PNMA8B: variants seen among roughly 807,000 people sequenced by gnomAD.
PNMA8B encodes paraneoplastic antigen-like protein 8B.
For missense variants in PNMA8B, 887 were observed against 885.8 expected, an observed-to-expected ratio of 1.00 and a Z score of -0.02; for synonymous variants, 386 against 394.9, an observed-to-expected ratio of 0.98 and a Z score of 0.27.
At position 46,494,979 on chromosome 19, in the gene PNMA8B, C is replaced by T. The variant is rs4803967; in HGVS notation, c.487G>A (p.Gly163Ser). The change falls in exon 1 of 1, where the codon GGT becomes AGT. Residue 163 changes from glycine (G) to serine (S), a missense_variant. Physicochemically the swap from Gly to Ser is moderately conservative, Grantham distance 56 (BLOSUM62 0). Coordinates refer to ENST00000599531, the MANE Select transcript of PNMA8B (RefSeq NM_020709.3). Reference sequence around the variant, plus strand: ...TTGCGTCTGGTTCTGTTTCTGCGACCCCGACGGCCCCTCCTTGGGTTCCTG... The same window carrying T: ...TTGCGTCTGGTTCTGTTTCTGCGACTCCGACGGCCCCTCCTTGGGTTCCTG... ...AARNPRRGRRGRRNRTRRNRL... is the reference protein window; with the variant it reads ...AARNPRRGRRSRRNRTRRNRL... The T allele has an allele frequency of 0.14, 230,589 of 1,608,648 alleles. 18,127 individuals carry two copies. The highest frequency in any genetic ancestry group is 0.16 in the Non-Finnish European group (191,466 of 1,179,806).
Position 46,495,608 on chromosome 19 carries a change from T to A in PNMA8B, c.-143A>T. 8.8e-7 allele frequency: 1 copy of A among 1,130,246 alleles called. No homozygotes were observed. The allele number at this position is 1,130,246 out of a possible 1,614,324, so 70.0% of individuals were successfully genotyped here. ...TCCGGTGAATGTGGCAAGGCTGGAG[T>A]GGGGCTCGGGGCTCGGGGGCTCTAG... On this transcript the variant is annotated 5_prime_UTR_variant, in exon 1 of 1. Coordinates refer to ENST00000599531, the MANE Select transcript of PNMA8B (RefSeq NM_020709.3).
Position 46,493,924 on chromosome 19 carries a change from C to T in PNMA8B, c.1542G>A (p.Glu514=), listed in dbSNP as rs1970047382. The T allele has an allele frequency of 6.3e-7, 1 of 1,592,100 alleles. No individual in the cohort carries two copies. The highest frequency in any genetic ancestry group is 8.6e-7 in the Non-Finnish European group (1 of 1,169,582). Reference sequence around the variant, plus strand: ...ACGCCTCGCTCTCGGTGTCCTCCGACTCCTCCTCGGACTGTTCGTCCGAAG... The same window carrying T: ...ACGCCTCGCTCTCGGTGTCCTCCGATTCCTCCTCGGACTGTTCGTCCGAAG... ...EEASDEQSEE[E]SEDTESEASE... The change falls in exon 1 of 1, where the codon GAG becomes GAA. Residue 514 remains glutamate (E), a synonymous_variant. Transcript: ENST00000599531. This position sits in a 1 kb window ranked among gnomAD's most constrained non-coding sequence, Gnocchi z 5.3.
At position 46,493,327 on chromosome 19, in the gene PNMA8B, C is replaced by A; in HGVS notation, c.*231G>T. Reference sequence around the variant, plus strand: ...CCTGCGCTGCTGCCTCGGGCGCCCACTTCTCTTTCCTCCTCCCATCCGGGC... The same window carrying A: ...CCTGCGCTGCTGCCTCGGGCGCCCAATTCTCTTTCCTCCTCCCATCCGGGC... On this transcript the variant is annotated 3_prime_UTR_variant, in exon 1 of 1. Coordinates refer to ENST00000599531, the MANE Select transcript of PNMA8B (RefSeq NM_020709.3). The surrounding 1 kb of genome is among the most constrained non-coding windows in gnomAD (Gnocchi z 5.3). The A allele has an allele frequency of 2.5e-6, 1 of 394,866 alleles. No homozygotes were observed. Among genetic ancestry groups the A allele is most frequent in the Non-Finnish European group, 4.5e-6 (1 of 224,622 alleles). The allele number at this position is 394,866 out of a possible 1,614,324, so 24.5% of individuals were successfully genotyped here.
rs1969998019 is a variant in PNMA8B, at chr19:46,491,259, G to C, written c.*2299C>G. 1 of 152,228 alleles carries C rather than the reference G, an allele frequency of 6.6e-6. No homozygotes were observed. Among genetic ancestry groups the C allele is most frequent in the South Asian group, 2.1e-4 (1 of 4,836 alleles). 9.4% of individuals were successfully genotyped at this position (152,228 alleles called of 1,614,324 possible). A position where few individuals can be genotyped will look rare whatever the true frequency, so the allele number is the denominator to read the frequency against. On this transcript the variant is annotated 3_prime_UTR_variant, in exon 1 of 1. Transcript: ENST00000599531. ...CCAATTTACCCCGTGTGATTACCTA[G>C]TTGAACAAAGCATGTCTAGACAGTC...
At position 46,493,426 on chromosome 19, in the gene PNMA8B, G is replaced by C; in HGVS notation, c.*132C>G. The C allele has an allele frequency of 1.8e-6, 1 of 568,858 alleles. No individual in the cohort carries two copies. The highest frequency in any genetic ancestry group is 2.6e-6 in the Non-Finnish European group (1 of 382,890). The allele number at this position is 568,858 out of a possible 1,614,324, so 35.2% of individuals were successfully genotyped here. A position where few individuals can be genotyped will look rare whatever the true frequency, so the allele number is the denominator to read the frequency against. ...GGGAACGTGACGCTGGCAAAACGCG[G>C]CCCGGGCGCGCTGTGAAGCGAGGAG... On this transcript the variant is annotated 3_prime_UTR_variant, in exon 1 of 1. Transcript: ENST00000599531. This position sits in a 1 kb window ranked among gnomAD's most constrained non-coding sequence, Gnocchi z 5.3.
rs760914569 is a variant in PNMA8B, at chr19:46,493,714, C to G, written c.1752G>C (p.Gln584His). 17 of 1,512,930 alleles carry G rather than the reference C, an allele frequency of 1.1e-5. No individual in the cohort carries two copies. Among genetic ancestry groups the G allele is most frequent in the South Asian group, 3.7e-5 (3 of 80,480 alleles). The allele number at this position is 1,512,930 out of a possible 1,614,324, so 93.7% of individuals were successfully genotyped here. Residue 584 changes from glutamine (Q) to histidine (H), a missense_variant, in exon 1 of 1, where the codon CAG (glutamine) becomes CAC (histidine). By Grantham distance (24) the Gln-to-His change is conservative. Coordinates refer to ENST00000599531, the MANE Select transcript of PNMA8B (RefSeq NM_020709.3). This position sits in a 1 kb window ranked among gnomAD's most constrained non-coding sequence, Gnocchi z 5.3. ...TCTTCCTGCTTCCTGCGGCGTCGTCCTGGGCCGAGCCCCGGCTCCCGGCTT... is the reference window on the plus strand; with the variant it reads ...TCTTCCTGCTTCCTGCGGCGTCGTCGTGGGCCGAGCCCCGGCTCCCGGCTT... ...EKKAGSRGSA[Q>H]DDAAGSRKKK...
Position 46,493,256 on chromosome 19 carries a change from AC to A in PNMA8B, c.*301del, listed in dbSNP as rs1454821699. 6.8e-6 allele frequency: 2 copies of A among 294,580 alleles called. No homozygotes were observed. Among genetic ancestry groups the A allele is most frequent in the African/African-American group, 4.3e-5 (2 of 46,012 alleles). 18.2% of individuals were successfully genotyped at this position (294,580 alleles called of 1,614,324 possible). ...CACACACACACCCCCTCCGGGGGCA[AC>A]CCGGGCCCCCAATCCTGGTCCACTT... On this transcript the variant is annotated 3_prime_UTR_variant, in exon 1 of 1. Transcript: ENST00000599531. The surrounding 1 kb of genome is among the most constrained non-coding windows in gnomAD (Gnocchi z 5.3).
rs2147484338 is a variant in PNMA8B at position 46,493,536 on chromosome 19, T to G, written c.*22A>C. 2.3e-6 allele frequency: 3 copies of G among 1,326,186 alleles called. No homozygotes were observed. The highest frequency in any genetic ancestry group is 2.9e-6 in the Non-Finnish European group (3 of 1,040,766). The allele number at this position is 1,326,186 out of a possible 1,614,324, so 82.2% of individuals were successfully genotyped here. A position where few individuals can be genotyped will look rare whatever the true frequency, so the allele number is the denominator to read the frequency against. ...TGCCCTGCGGGGCCTGCTCGCAGCC[T>G]GGGCGGCTTCTTGGGGGGCCACTAG... On this transcript the variant is annotated 3_prime_UTR_variant, in exon 1 of 1. Coordinates refer to ENST00000599531, the MANE Select transcript of PNMA8B (RefSeq NM_020709.3). The surrounding 1 kb of genome is among the most constrained non-coding windows in gnomAD (Gnocchi z 5.3).
rs1370140653 is a variant in PNMA8B, at chr19:46,493,317, C to G, written c.*241G>C. 1 of 388,472 alleles carries G rather than the reference C, an allele frequency of 2.6e-6. No individual in the cohort carries two copies. The highest frequency in any genetic ancestry group is 4.5e-6 in the Non-Finnish European group (1 of 220,270). The allele number at this position is 388,472 out of a possible 1,614,324, so 24.1% of individuals were successfully genotyped here. On this transcript the variant is annotated 3_prime_UTR_variant, in exon 1 of 1. Transcript: ENST00000599531. The surrounding 1 kb of genome is among the most constrained non-coding windows in gnomAD (Gnocchi z 5.3). ...CCATCTCGGCCCTGCGCTGCTGCCT[C>G]GGGCGCCCACTTCTCTTTCCTCCTC...
Position 46,493,576 on chromosome 19 carries a change from C to T in PNMA8B, c.1890G>A (p.Leu630=). Reference sequence around the variant, plus strand: ...GGGGCCACTAGCGGCATTTAGGGGGCAGCCTCCGGCCCCGACGGGCCTTCT... The same window carrying T: ...GGGGCCACTAGCGGCATTTAGGGGGTAGCCTCCGGCCCCGACGGGCCTTCT... ...RGKKARRGRR[L]PPKCR is the part of the protein sequence containing the mutation. Residue 630 remains leucine, a synonymous_variant, in exon 1 of 1, where the codon CTG becomes CTA. Transcript: ENST00000599531. This position sits in a 1 kb window ranked among gnomAD's most constrained non-coding sequence, Gnocchi z 5.3. 6.9e-7 allele frequency: 1 copy of T among 1,446,858 alleles called. No individual in the cohort carries two copies. The highest frequency in any genetic ancestry group is 9.0e-7 in the Non-Finnish European group (1 of 1,108,224). 89.6% of individuals were successfully genotyped at this position (1,446,858 alleles called of 1,614,324 possible).
At position 46,495,561 on chromosome 19, in the gene PNMA8B, T is replaced by A; in HGVS notation, c.-96A>T. Reference sequence around the variant, plus strand: ...TGTCAATGCAACCCTAGAAAGCCACTTGCAGGGCTTAGAGTCCCGGTTCCG... The same window carrying A: ...TGTCAATGCAACCCTAGAAAGCCACATGCAGGGCTTAGAGTCCCGGTTCCG... On this transcript the variant is annotated 5_prime_UTR_variant, in exon 1 of 1. The change creates a new upstream start codon in the 5' untranslated region. Coordinates refer to ENST00000599531, the MANE Select transcript of PNMA8B (RefSeq NM_020709.3). 6.9e-7 allele frequency: 1 copy of A among 1,451,574 alleles called. No individual in the cohort carries two copies. Among genetic ancestry groups the A allele is most frequent in the Non-Finnish European group, 9.1e-7 (1 of 1,094,458 alleles). 89.9% of individuals were successfully genotyped at this position (1,451,574 alleles called of 1,614,324 possible).
chr19:46,494,862 G>C lies in PNMA8B; in HGVS notation c.604C>G (p.Leu202Val). Residue 202 changes from leucine to valine, a missense_variant, in exon 1 of 1, where the codon CTG becomes GTG. Coordinates refer to ENST00000599531, the MANE Select transcript of PNMA8B (RefSeq NM_020709.3). ...TCGATCTCCTCGATCACGATGCCCA[G>C]GCTCTCGTCGGAAGAGTCCTCGGCC... ...SEAEDSSDES[L>V]GIVIEEIDQG... 6.2e-7 allele frequency: 1 copy of C among 1,613,058 alleles called. No individual in the cohort carries two copies. Among genetic ancestry groups the C allele is most frequent in the Non-Finnish European group, 8.5e-7 (1 of 1,179,890 alleles).
chr19:46,494,197 G>A lies in PNMA8B; in HGVS notation c.1269C>T (p.Leu423=). The A allele has an allele frequency of 6.2e-7, 1 of 1,609,240 alleles. No individual in the cohort carries two copies. The highest frequency in any genetic ancestry group is 8.5e-7 in the Non-Finnish European group (1 of 1,179,834). Reference sequence around the variant, plus strand: ...GCCCAGCCTTCTTCGCCTGGGGAGGGAGATCCGGCTGCGCCAAGGTGGAAA... The same window carrying A: ...GCCCAGCCTTCTTCGCCTGGGGAGGAAGATCCGGCTGCGCCAAGGTGGAAA... The part of the protein sequence containing the change: ...ECISTLAQPD[L]PPQAKKAGRG... The change falls in exon 1 of 1, where the codon CTC becomes CTT. Residue 423 remains leucine (L), a synonymous_variant. Coordinates refer to ENST00000599531, the MANE Select transcript of PNMA8B (RefSeq NM_020709.3).
rs1202841468 is a variant in PNMA8B at position 46,493,806 on chromosome 19, C to T, written c.1660G>A (p.Ala554Thr). The T allele has an allele frequency of 7.3e-7, 1 of 1,368,594 alleles. No individual in the cohort carries two copies. Among genetic ancestry groups the T allele is most frequent in the South Asian group, 1.8e-5 (1 of 54,324 alleles). The allele number at this position is 1,368,594 out of a possible 1,614,324, so 84.8% of individuals were successfully genotyped here. ...GLTPAGAPPT[A>T]SGARKTRAGG... ...GCGCGGGTTTTGCGGGCCCCGGAAGCGGTGGGAGGCGCGCCGGCCGGAGTC... is the reference window on the plus strand; with the variant it reads ...GCGCGGGTTTTGCGGGCCCCGGAAGTGGTGGGAGGCGCGCCGGCCGGAGTC... Residue 554 changes from alanine (A) to threonine (T), a missense_variant, in exon 1 of 1, where the codon GCT (alanine) becomes ACT (threonine). By Grantham distance (58) the Ala-to-Thr change is moderately conservative. Coordinates refer to ENST00000599531, the MANE Select transcript of PNMA8B (RefSeq NM_020709.3). The surrounding 1 kb of genome is among the most constrained non-coding windows in gnomAD (Gnocchi z 5.3).
rs1203705871 is a variant in PNMA8B, at chr19:46,495,110, G to T, written c.356C>A (p.Ala119Glu). 1 of 1,613,470 alleles carries T rather than the reference G, an allele frequency of 6.2e-7. No homozygotes were observed. The highest frequency in any genetic ancestry group is 1.1e-5 in the South Asian group (1 of 91,074). Residue 119 changes from alanine to glutamate, a missense_variant, in exon 1 of 1, where the codon GCG (alanine) becomes GAG (glutamate). Ala to Glu is a moderately radical substitution (Grantham distance 107). Coordinates refer to ENST00000599531, the MANE Select transcript of PNMA8B (RefSeq NM_020709.3). ...LLLDDGPTQA[A>E]EAGTPGEAPT... is the part of the protein sequence containing the mutation. ...TGCCTCCCCGGGGGTCCCAGCCTCC[G>T]CGGCCTGCGTGGGCCCGTCATCCAG...
At position 46,494,209 on chromosome 19, in the gene PNMA8B, C is replaced by A; in HGVS notation, c.1257G>T (p.Ala419=). 6.2e-7 allele frequency: 1 copy of A among 1,609,238 alleles called. No individual in the cohort carries two copies. The highest frequency in any genetic ancestry group is 8.5e-7 in the Non-Finnish European group (1 of 1,179,806). ...TCGCCTGGGGAGGGAGATCCGGCTG[C>A]GCCAAGGTGGAAATGCACTCCCGGA... ...GDLRECISTL[A]QPDLPPQAKK... is the part of the protein sequence containing the mutation. Residue 419 remains alanine (A), a synonymous_variant, in exon 1 of 1, where the codon GCG becomes GCT. Coordinates refer to ENST00000599531, the MANE Select transcript of PNMA8B (RefSeq NM_020709.3).
rs755790334 is a variant in PNMA8B, at chr19:46,493,858, C to T, written c.1608G>A (p.Lys536=). The T allele has an allele frequency of 6.6e-7, 1 of 1,511,994 alleles. No homozygotes were observed. Among genetic ancestry groups the T allele is most frequent in the African/African-American group, 1.4e-5 (1 of 71,182 alleles). 93.7% of individuals were successfully genotyped at this position (1,511,994 alleles called of 1,614,324 possible). A position where few individuals can be genotyped will look rare whatever the true frequency, so the allele number is the denominator to read the frequency against. Residue 536 remains lysine, a synonymous_variant, in exon 1 of 1, where the codon AAG becomes AAA. Coordinates refer to ENST00000599531, the MANE Select transcript of PNMA8B (RefSeq NM_020709.3). This position sits in a 1 kb window ranked among gnomAD's most constrained non-coding sequence, Gnocchi z 5.3. ...EDRASRKPRA[K]RARTAPRGLT... The stretch of plus-strand genomic sequence containing the variant: ...GGCCCCTGGGGGCCGTGCGCGCCCT[C>T]TTGGCCCGGGGCTTCCTGGATGCCC...
Position 46,493,562 on chromosome 19 carries a change from C to T in PNMA8B, c.1904G>A (p.Arg635His). ...GGGCGGCTTCTTGGGGGGCCACTAG[C>T]GGCATTTAGGGGGCAGCCTCCGGCC... Reference protein sequence around the residue: ...RRGRRLPPKCR With the variant: ...RRGRRLPPKCH Residue 635 changes from arginine to histidine, a missense_variant, in exon 1 of 1, where the codon CGC becomes CAC. Physicochemically the swap from Arg to His is conservative, Grantham distance 29. Transcript: ENST00000599531. The surrounding 1 kb of genome is among the most constrained non-coding windows in gnomAD (Gnocchi z 5.3). The T allele has an allele frequency of 7.3e-7, 1 of 1,376,176 alleles. No individual in the cohort carries two copies. The highest frequency in any genetic ancestry group is 1.8e-5 in the South Asian group (1 of 56,406). 85.2% of individuals were successfully genotyped at this position (1,376,176 alleles called of 1,614,324 possible). A position where few individuals can be genotyped will look rare whatever the true frequency, so the allele number is the denominator to read the frequency against.
At position 46,491,980 on chromosome 19, in the gene PNMA8B, CA is replaced by C; in HGVS notation, c.*1577del. The stretch of plus-strand genomic sequence containing the variant: ...ACACCACAGGCTGCTGTGCCCAGCT[CA>C]AGGTACACCCAGCCTGGTCCTCAGT... On this transcript the variant is annotated 3_prime_UTR_variant, in exon 1 of 1. Transcript: ENST00000599531. 4.5e-6 allele frequency: 1 copy of C among 223,698 alleles called. No individual in the cohort carries two copies. Among genetic ancestry groups the C allele is most frequent in the South Asian group, 4.6e-5 (1 of 21,844 alleles). The allele number at this position is 223,698 out of a possible 1,614,324, so 13.9% of individuals were successfully genotyped here. A position where few individuals can be genotyped will look rare whatever the true frequency, so the allele number is the denominator to read the frequency against.
Sources: gnomAD v4.1 joint callset for allele counts on GRCh38, gnomAD v4.1.1 for gene constraint, Gnocchi (gnomAD v3.1) non-coding constraint, MANE v1.5 for transcripts, NCBI Gene and HGNC (gene_info 2026-07-23, HGNC 2026-07-21) for gene names.